The following SPTBN5 variants were observed in gnomAD, a reference collection of about 807,000 sequenced individuals.
SPTBN5 encodes spectrin beta, non-erythrocytic 5, also known as spectrin beta chain, non-erythrocytic 5.
SPTBN5 carries 513 observed loss-of-function variants against 477.6 expected under a neutral mutation model. That is an observed-to-expected ratio of 1.07 (90% CI 1.00 to 1.16). The LOEUF (loss-of-function observed/expected upper bound fraction) is 1.16. Ranked by LOEUF, SPTBN5 falls within the 50% of genes most tolerant of loss-of-function variation. The pLI, the probability that SPTBN5 is intolerant of heterozygous loss-of-function variation, is 0.00. For missense variants in SPTBN5, 5,062 were observed against 4,731.8 expected (o/e 1.07, Z -2.05); for synonymous variants, 2,169 against 2,011.7 (o/e 1.08, Z -2.09).
At chr15:41,888,201 G>T (rs569450288) in intron 4 of SPTBN5, 116 bp from the exon 5 acceptor site, 3 of 1,064,826 alleles carry the variant, frequency 2.8e-6, no homozygotes, top group South Asian at 3.2e-5. Context: ...CCCTGGCCCG[G>T]GGCCAGTGTG....
In SPTBN5 at chr15:41,892,983, C is replaced by A. The variant is rs1276817020; in HGVS notation, c.295G>T (p.Gly99Trp). 1.2e-6 allele frequency: 2 copies of A among 1,609,802 alleles called. No homozygotes were observed. Among genetic ancestry groups the A allele is most frequent in the African/African-American group, 1.3e-5 (1 of 74,936 alleles). Reference sequence around the variant, plus strand: ...CGGCTCGGGGGTGGCAGGGCCTCCCCTGAGATGAGCTCCAGCAGCCGCAGG... The same window carrying A: ...CGGCTCGGGGGTGGCAGGGCCTCCCATGAGATGAGCTCCAGCAGCCGCAGG... The part of the protein sequence containing the change: ...HLLRLLELIS[G>W]EALPPPSRGR... The change falls in exon 3 of 68, where the codon GGG becomes TGG. Residue 99 changes from glycine (G) to tryptophan (W), a missense_variant. Physicochemically the swap from Gly to Trp is radical, Grantham distance 184. Coordinates refer to ENST00000320955, the MANE Select transcript of SPTBN5 (RefSeq NM_016642.4).
chr15:41,848,569 T>G lies in SPTBN5; in HGVS notation c.*47A>C, dbSNP rs1225639285. 3 of 1,612,290 alleles carry G rather than the reference T, an allele frequency of 1.9e-6. No individual in the cohort carries two copies. Among genetic ancestry groups the G allele is most frequent in the Non-Finnish European group, 2.5e-6 (3 of 1,178,468 alleles). On this transcript the variant is annotated 3_prime_UTR_variant, in exon 68 of 68. Transcript: ENST00000320955. ...GAGTCTTATTCTGGTCCCTTAGATG[T>G]GTCCTCGCTTGTGCCCCTGAAGTTT...
Position 41,852,957 on chromosome 15 carries a change from A to AGCTC in SPTBN5, c.10210_10213dup (p.Leu3405ArgfsTer30). The stretch of plus-strand genomic sequence containing the variant: ...CCAGCGCAGGGCCCAAGCCTCCTCC[A>AGCTC]GCTCCTGCAGCCGCCCTTCCAGCTC... On this transcript the variant is annotated frameshift_variant, in exon 60 of 68. Transcript: ENST00000320955. LOFTEE classifies it high-confidence loss of function. 6.4e-7 allele frequency: 1 copy of AGCTC among 1,570,384 alleles called. No individual in the cohort carries two copies. Among genetic ancestry groups the AGCTC allele is most frequent in the Non-Finnish European group, 8.6e-7 (1 of 1,158,438 alleles).
At position 41,861,773 on chromosome 15, in the gene SPTBN5, C is replaced by T. The variant is rs552310797; in HGVS notation, c.7699G>A (p.Glu2567Lys). 5.6e-5 allele frequency: 87 copies of T among 1,555,770 alleles called. 2 individuals are homozygous for T. The South Asian group carries it at 9.6e-4, about 17-fold the overall frequency. ...GCCTGCTGCAGCTGTAGCTGATGCT[C>T]CTGCCAGGCCCCTTCCAGGCTGCTC... ...ELSSLEGAWQ[E>K]HQLQLQQALE... The change falls in exon 45 of 68, where the codon GAG becomes AAG. Residue 2567 changes from glutamate (E) to lysine (K), a missense_variant. Coordinates refer to ENST00000320955, the MANE Select transcript of SPTBN5 (RefSeq NM_016642.4).
At chr15:41,886,593 C>T (rs1395802482) in intron 6 of SPTBN5, among the ~76,000 whole-genome samples, 1 of 152,228 alleles carries the variant, frequency 6.6e-6, no homozygotes, top group Non-Finnish European at 1.5e-5. Flanking sequence ...GCTATCCTGC[C>T]TTCTTCCTCT....
rs2140975348 is a variant in SPTBN5 at position 41,893,478 on chromosome 15, C to A, written c.20G>T (p.Ser7Ile). ...TGCAGCCCCGAGGAGCTCCCGGGGA[C>A]TGTGGGGCTGACCAGCCATCAGCCC... MAGQPH[S>I]PRELLGAAGH... is the part of the protein sequence containing the mutation. The change falls in exon 2 of 68, where the codon AGT (serine) becomes ATT (isoleucine). Residue 7 changes from serine (S) to isoleucine (I), a missense_variant. Transcript: ENST00000320955. 1 of 1,591,008 alleles carries A rather than the reference C, an allele frequency of 6.3e-7. No individual in the cohort carries two copies. Among genetic ancestry groups the A allele is most frequent in the Non-Finnish European group, 8.5e-7 (1 of 1,171,930 alleles).
At chr15:41,876,776 T>C in intron 19 of SPTBN5, 33 bp downstream of exon 19, 2 of 1,604,714 alleles carry the variant, frequency 1.2e-6, no homozygotes, top group Non-Finnish European at 1.7e-6. Flanking sequence ...GAAAGGGTCA[T>C]CTGCAGGTGC....
At chr15:41,868,681 C>G in intron 32 of SPTBN5, 80 bp from the exon 33 acceptor site, 1 of 1,444,602 alleles carries the variant, frequency 6.9e-7, no homozygotes, top group South Asian at 1.2e-5. Context: ...GCAACTGCAG[C>G]CCACCTGAGT....
chr15:41,856,555 A>G lies in SPTBN5; in HGVS notation c.8852T>C (p.Val2951Ala). The change falls in exon 53 of 68, where the codon GTG becomes GCG. Residue 2951 changes from valine (V) to alanine (A), a missense_variant. Coordinates refer to ENST00000320955, the MANE Select transcript of SPTBN5 (RefSeq NM_016642.4). ...CAGCTTGTACCCAGTGCCCAGCACC[A>G]CCCGGGTCAGAGCCTCGTGGCTGCT... Reference protein sequence around the residue: ...EMSSHEALTRVVLGTGYKLVQ... With the variant: ...EMSSHEALTRAVLGTGYKLVQ... The G allele has an allele frequency of 6.2e-7, 1 of 1,600,868 alleles. No individual in the cohort carries two copies. The highest frequency in any genetic ancestry group is 1.1e-5 in the South Asian group (1 of 89,328).
At position 41,858,757 on chromosome 15, in the gene SPTBN5, A is replaced by C. The variant is rs1276391484; in HGVS notation, c.8080-9T>G. On this transcript the variant is annotated splice_polypyrimidine_tract_variant and intron_variant, in intron 48 of 67. Transcript: ENST00000320955. ...CTCAGCCACGCAGCCACCTGGGCAC[A>C]TGGGGAGGACAGGCCTGCTGTCCAG... The C allele has an allele frequency of 1.2e-6, 2 of 1,608,340 alleles. No homozygotes were observed. Among genetic ancestry groups the C allele is most frequent in the Non-Finnish European group, 1.7e-6 (2 of 1,178,046 alleles).
At position 41,875,067 on chromosome 15, in the gene SPTBN5, C is replaced by A. The variant is rs370430853; in HGVS notation, c.4288-11G>T. The A allele has an allele frequency of 1.2e-6, 2 of 1,603,002 alleles. No homozygotes were observed. The highest frequency in any genetic ancestry group is 1.7e-6 in the Non-Finnish European group (2 of 1,173,554). The stretch of plus-strand genomic sequence containing the variant: ...CTGCTCCTTTGCATCCTGGGAGGGA[C>A]GCATGGAGCTGCATTAGGTTCTCTG... On this transcript the variant is annotated splice_polypyrimidine_tract_variant and intron_variant, in intron 22 of 67. Coordinates refer to ENST00000320955, the MANE Select transcript of SPTBN5 (RefSeq NM_016642.4).
chr15:41,866,916 T>C, intron 36 of SPTBN5, 43 bp downstream of exon 36: 1 of 1,524,390 alleles, frequency 6.6e-7, no homozygotes, highest in Non-Finnish European at 8.8e-7. Context: ...AACTGTCGAG[T>C]GTGGTTCCAG....
At chr15:41,883,570 G>A in intron 7 of SPTBN5, 84 bp from the exon 8 acceptor site, 1 of 1,525,266 alleles carries the variant, frequency 6.6e-7, no homozygotes, top group Non-Finnish European at 8.9e-7. Flanking sequence ...GGTGGGGCTT[G>A]GCTGCCCTGG....
At chr15:41,877,773 C>A (rs1167527586) in intron 17 of SPTBN5, among the ~76,000 whole-genome samples, 1 of 152,242 alleles carries the variant, frequency 6.6e-6, no homozygotes, top group Non-Finnish European at 1.5e-5. Context: ...GCTGCAGAAC[C>A]AGGTACTGGA....
chr15:41,891,443 A>G (rs2067309646), intron 3 of SPTBN5, among the ~76,000 whole-genome samples: 2 of 152,132 alleles, frequency 1.3e-5, no homozygotes, highest in Non-Finnish European at 2.9e-5. Flanking sequence ...TTAGAGTTGG[A>G]GCCTCTGGTG....
Position 41,867,245 on chromosome 15 carries a change from T to A in SPTBN5, c.6313-119A>T, listed in dbSNP as rs182644595. 3.7e-4 allele frequency: 454 copies of A among 1,211,230 alleles called. 3 individuals carry two copies. In the South Asian group the frequency reaches 3.8e-3, roughly 10 times the overall value. 75.0% of individuals were successfully genotyped at this position (1,211,230 alleles called of 1,614,324 possible). On this transcript the variant is annotated intron_variant, in intron 35 of 67. Coordinates refer to ENST00000320955, the MANE Select transcript of SPTBN5 (RefSeq NM_016642.4). ...AGCCCTTTCCTCAGCCCCACATGGC[T>A]GAGGGGTATCTGATCCTCCCAGCCA...
intron 4 of SPTBN5, among the ~76,000 whole-genome samples, chr15:41,889,513 G>T (rs893561130): frequency 6.6e-5 from 10 of 151,926 alleles, no homozygotes; most frequent in Non-Finnish European, 1.3e-4. Flanking sequence ...AGCATCCTGG[G>T]CTCAGGTTAG....
At chr15:41,869,351 C>T (rs1330212466) in intron 32 of SPTBN5, among the ~76,000 whole-genome samples, 6 of 152,228 alleles carry the variant, frequency 3.9e-5, no homozygotes, top group Non-Finnish European at 8.8e-5. Flanking sequence ...ACCCCGTGGC[C>T]AGGACCTACT....
In SPTBN5 at chr15:41,856,513, AAGTGCCCAGCCTGCACCAGCTTGTACCC is replaced by A. The variant is rs756801395; in HGVS notation, c.8866_8893del (p.Gly2956LeufsTer41). On this transcript the variant is annotated frameshift_variant, in exon 53 of 68. Coordinates refer to ENST00000320955, the MANE Select transcript of SPTBN5 (RefSeq NM_016642.4). LOFTEE classifies it high-confidence loss of function. ...CCGGGCGGCCACCTCGTGGGCGGCA[AAGTGCCCAGCCTGCACCAGCTTGTACCC>A]AGTGCCCAGCACCACCCGGGTCAGA... The A allele has an allele frequency of 8.6e-5, 137 of 1,601,084 alleles. No individual in the cohort carries two copies. The highest frequency in any genetic ancestry group is 1.0e-4 in the Non-Finnish European group (122 of 1,175,450).
Sources: allele counts gnomAD v4.1 joint callset (sites outside exome capture counted in the v4.1 genomes callset), GRCh38; gene constraint gnomAD v4.1.1; transcripts MANE v1.5; gene names NCBI Gene and HGNC (gene_info 2026-07-23, HGNC 2026-07-21).